The following FMN1 variants were observed in gnomAD, a reference collection of about 807,000 sequenced individuals.
FMN1 encodes the protein formin 1, also known as formin-1.
A neutral mutation model predicts 132.4 loss-of-function variants in FMN1; 110 were observed. That is an observed-to-expected ratio of 0.83 (90% CI 0.71 to 0.97). The LOEUF (loss-of-function observed/expected upper bound fraction) is 0.97. Ranked by LOEUF, FMN1 falls within the 50% of genes least tolerant of loss-of-function variation. The probability of loss-of-function intolerance (pLI) is 0.00; values close to 1 mark genes in which losing one functional copy is unlikely to be tolerated. For synonymous variants in FMN1, 722 were observed against 651.7 expected, an observed-to-expected ratio of 1.11 and a Z score of -1.64; for missense variants, 1,792 against 1,705.3, an observed-to-expected ratio of 1.05 and a Z score of -0.90.
chr15:33,182,464 T>C (rs547144923), intron 2 of FMN1, among the ~76,000 whole-genome samples: 25 of 152,300 alleles, frequency 1.6e-4, no homozygotes, highest in African/African-American at 5.8e-4. Context: ...CCCTATCACC[T>C]CACATTTCTT....
chr15:32,813,607 G>A (rs1357260956), intron 17 of FMN1, among the ~76,000 whole-genome samples: 2 of 152,178 alleles, frequency 1.3e-5, no homozygotes, highest in African/African-American at 4.8e-5. Context: ...CTGCTTCTGT[G>A]TAGTCCAGTG....
chr15:32,959,230 T>C (rs1441259001), intron 9 of FMN1, among the ~76,000 whole-genome samples: 1 of 152,144 alleles, frequency 6.6e-6, no homozygotes, highest in Non-Finnish European at 1.5e-5. Context: ...AACCATTCCA[T>C]GATCCAGCTG....
intron 7 of FMN1, among the ~76,000 whole-genome samples, chr15:32,994,936 G>A (rs1181307923): frequency 6.6e-6 from 1 of 152,056 alleles, no homozygotes; most frequent in Non-Finnish European, 1.5e-5. Flanking sequence ...GTTTTCATGT[G>A]TTTAAAGCAA....
Position 32,798,849 on chromosome 15 carries a change from A to G in FMN1, c.4085T>C (p.Phe1362Ser). ...FMVWYEFCSD[F>S]KTIWKRESKN... ...ACTCTCCCGTTTCCAAATTGTCTTGAAGTCACTGCAGAACTCATACCACAC... is the reference window on the plus strand; with the variant it reads ...ACTCTCCCGTTTCCAAATTGTCTTGGAGTCACTGCAGAACTCATACCACAC... Residue 1362 changes from phenylalanine (F) to serine (S), a missense_variant, in exon 19 of 21, where the codon TTC (phenylalanine) becomes TCC (serine). Physicochemically the swap from Phe to Ser is radical, Grantham distance 155. Coordinates refer to ENST00000616417, the MANE Select transcript of FMN1 (RefSeq NM_001277313.2). The G allele has an allele frequency of 6.2e-7, 1 of 1,613,732 alleles. No homozygotes were observed. Among genetic ancestry groups the G allele is most frequent in the Non-Finnish European group, 8.5e-7 (1 of 1,179,794 alleles).
intron 9 of FMN1, among the ~76,000 whole-genome samples, chr15:32,928,090 G>T (rs1469253653): frequency 9.9e-5 from 15 of 152,104 alleles, no homozygotes; most frequent in Admixed American, 9.8e-4. Context: ...ATTATTGCCA[G>T]ATATTTTTTT....
intron 10 of FMN1, among the ~76,000 whole-genome samples, chr15:32,913,829 A>G (rs149875153): frequency 5.3e-5 from 8 of 152,232 alleles, no homozygotes; most frequent in African/African-American, 1.9e-4. Context: ...TATAACATAG[A>G]TGTTTGTGGG....
chr15:33,138,823 G>T (rs34633722), intron 4 of FMN1, among the ~76,000 whole-genome samples: 11,102 of 152,180 alleles, frequency 0.073, 463 homozygotes, highest in African/African-American at 0.085. Flanking sequence ...TCAGGGCAGA[G>T]GCTAGGAGCA....
intron 3 of FMN1, among the ~76,000 whole-genome samples, chr15:33,179,085 CA>C (rs1254433299): frequency 2.0e-5 from 3 of 152,086 alleles, no homozygotes; most frequent in Non-Finnish European, 4.4e-5. Context: ...CCAATAAACA[CA>C]ACAATTAAAG....
chr15:33,117,428 G>A (rs2039971007), intron 4 of FMN1, among the ~76,000 whole-genome samples: 1 of 152,142 alleles, frequency 6.6e-6, no homozygotes, highest in Admixed American at 6.5e-5. Context: ...AGATTGACAA[G>A]GTAGCATTCA....
At chr15:32,822,012 C>T in intron 17 of FMN1, among the ~76,000 whole-genome samples, 1 of 152,000 alleles carries the variant, frequency 6.6e-6, no homozygotes, top group Non-Finnish European at 1.5e-5. Context: ...CTCATTATAC[C>T]TTTTGCTACT....
chr15:32,987,384 A>C lies in FMN1; in HGVS notation c.2224-17907T>G, dbSNP rs376875124. 2.1e-3 allele frequency among the ~76,000 whole-genome samples: 318 copies of C among 152,288 alleles called. 1 individual carries two copies. Among genetic ancestry groups the C allele is most frequent in the African/African-American group, 7.4e-3 (307 of 41,556 alleles). On this transcript the variant is annotated intron_variant, in intron 7 of 20. Transcript: ENST00000616417. ...ACTGGCTCAAGTATCCATGCCAGTC[A>C]TGTACTCCGAATAATTACAAACTAC...
chr15:32,794,478 C>T (rs60708100), intron 19 of FMN1, among the ~76,000 whole-genome samples: 3,059 of 151,854 alleles, frequency 0.02, 103 homozygotes, highest in African/African-American at 0.071. Context: ...CGTGTGCATG[C>T]GCGGGCATAT....
chr15:33,029,239 A>G (rs1265284170), intron 6 of FMN1, among the ~76,000 whole-genome samples: 1 of 151,670 alleles, frequency 6.6e-6, no homozygotes, highest in Non-Finnish European at 1.5e-5. Context: ...ATGCAGGTGG[A>G]AACACATTTT....
chr15:33,122,280 C>T (rs1962638017), intron 4 of FMN1, among the ~76,000 whole-genome samples: 1 of 152,150 alleles, frequency 6.6e-6, no homozygotes, highest in South Asian at 2.1e-4. Context: ...TGTTTCTACT[C>T]CGTAAAACGT....
chr15:33,055,920 T>G (rs2037195846), intron 6 of FMN1, among the ~76,000 whole-genome samples: 1 of 152,102 alleles, frequency 6.6e-6, no homozygotes, highest in Non-Finnish European at 1.5e-5. Context: ...GACAATTCAT[T>G]AAAATTAAGT....
intron 3 of FMN1, among the ~76,000 whole-genome samples, chr15:33,176,137 G>A (rs1434637825): frequency 6.6e-6 from 1 of 152,130 alleles, no homozygotes; most frequent in East Asian, 1.9e-4. Context: ...CACTTTGGGA[G>A]GCCGAGGAGG....
chr15:33,012,711 T>C lies in FMN1; in HGVS notation c.2162-4636A>G, dbSNP rs1182007121. ...CCAGCCAAAGAGGACATAGTAGTTC[T>C]GGAAACTTTCGTGGTGGCCATGGAG... On this transcript the variant is annotated intron_variant, in intron 6 of 20. Coordinates refer to ENST00000616417, the MANE Select transcript of FMN1 (RefSeq NM_001277313.2). The C allele has an allele frequency of 3.5e-5, 27 of 775,528 alleles. No homozygotes were observed. In the Admixed American group the frequency reaches 4.3e-4, roughly 12 times the overall value. The allele number at this position is 775,528 out of a possible 1,614,324, so 48.0% of individuals were successfully genotyped here.
chr15:33,144,749 A>C (rs945135672), intron 4 of FMN1, among the ~76,000 whole-genome samples: 2 of 152,188 alleles, frequency 1.3e-5, no homozygotes, highest in African/African-American at 4.8e-5. Context: ...CAAATGTAGC[A>C]GCTTTAATCA....
chr15:33,092,998 C>T (rs1169976013), intron 4 of FMN1, among the ~76,000 whole-genome samples: 3 of 152,182 alleles, frequency 2.0e-5, no homozygotes, highest in South Asian at 2.1e-4. Flanking sequence ...TGTCTTTAAT[C>T]GTCTAAGAAT....
Sources: gnomAD v4.1 joint callset for allele counts (sites outside exome capture counted in the v4.1 genomes callset) on GRCh38, gnomAD v4.1.1 for gene constraint, MANE v1.5 for transcripts, NCBI Gene and HGNC (gene_info 2026-07-23, HGNC 2026-07-21) for gene names.